Variants in RNF150 observed in about 807,000 individuals in gnomAD.
RNF150 encodes ring finger protein 150.
In RNF150, 24 loss-of-function variants were observed where a neutral mutation model predicts 39.3. The ratio of observed to expected loss-of-function variants is 0.61; its 90% CI spans 0.44 to 0.86. The LOEUF is 0.86. Among genes scored for constraint, RNF150 ranks in the 40% least tolerant of loss-of-function variants. The probability of loss-of-function intolerance (pLI) is 0.00; values close to 1 mark genes in which losing one functional copy is unlikely to be tolerated. For synonymous variants in RNF150, 255 were observed against 227.3 expected (o/e 1.12, Z -1.10); for missense variants, 502 against 587.8 (o/e 0.85, Z 1.51).
chr4:140,880,446 T>A (rs1345016530), intron 6 of RNF150, among the ~76,000 whole-genome samples: 2 of 152,130 alleles, frequency 1.3e-5, no homozygotes, highest in African/African-American at 4.8e-5. Flanking sequence ...TTGGTTATAT[T>A]GGTCTGTAAT....
At chr4:140,977,108 T>C (rs954973724) in intron 1 of RNF150, among the ~76,000 whole-genome samples, 1 of 152,136 alleles carries the variant, frequency 6.6e-6, no homozygotes, top group Middle Eastern at 3.2e-3. Flanking sequence ...TAATTCACAA[T>C]GGATTATTTG....
intron 1 of RNF150, among the ~76,000 whole-genome samples, chr4:141,013,203 C>G (rs1735139022): frequency 6.6e-6 from 1 of 152,068 alleles, no homozygotes; most frequent in African/African-American, 2.4e-5. Flanking sequence ...GATATATTGA[C>G]AGGTGAGATT....
At chr4:141,170,558 C>T (rs143429898) in intron 1 of RNF150, among the ~76,000 whole-genome samples, 1 of 152,204 alleles carries the variant, frequency 6.6e-6, no homozygotes, top group East Asian at 1.9e-4. Flanking sequence ...TTTTTTCTGT[C>T]TCTGCAAAGG....
chr4:140,931,438 A>G (rs962026581), intron 4 of RNF150, among the ~76,000 whole-genome samples: 2 of 152,218 alleles, frequency 1.3e-5, no homozygotes, highest in African/African-American at 4.8e-5. Flanking sequence ...GGGATTGGAA[A>G]GCAGTATTTT....
At chr4:140,961,128 G>T (rs1733005983) in intron 2 of RNF150, among the ~76,000 whole-genome samples, 1 of 152,104 alleles carries the variant, frequency 6.6e-6, no homozygotes, top group African/African-American at 2.4e-5. Flanking sequence ...TAGGAAACAT[G>T]GCACACCAGC....
At chr4:141,097,856 G>C (rs747262709) in intron 1 of RNF150, among the ~76,000 whole-genome samples, 1 of 151,718 alleles carries the variant, frequency 6.6e-6, no homozygotes, top group Non-Finnish European at 1.5e-5. Context: ...TATATGGCAC[G>C]CAAACATTTT....
At chr4:141,077,465 ATGG>A in intron 1 of RNF150, among the ~76,000 whole-genome samples, 1 of 152,354 alleles carries the variant, frequency 6.6e-6, no homozygotes, top group South Asian at 2.1e-4. Context: ...CTTGCTTGTG[ATGG>A]TGCTATGTAA....
intron 2 of RNF150, among the ~76,000 whole-genome samples, chr4:140,956,674 C>A (rs1732767986): frequency 6.6e-6 from 1 of 152,076 alleles, no homozygotes; most frequent in Admixed American, 6.6e-5. Context: ...GCTACAGTAA[C>A]CAAAACAGCA....
intron 1 of RNF150, among the ~76,000 whole-genome samples, chr4:141,157,357 C>T (rs1727432784): frequency 6.6e-6 from 1 of 152,106 alleles, no homozygotes; most frequent in Non-Finnish European, 1.5e-5. Flanking sequence ...TAATATATAA[C>T]CATGGCTAAA....
At chr4:140,896,663 T>C (rs1729953583) in intron 6 of RNF150, among the ~76,000 whole-genome samples, 1 of 96,386 alleles carries the variant, frequency 1.0e-5, no homozygotes, top group Non-Finnish European at 2.0e-5. Flanking sequence ...AATGTGCACA[T>C]GTACCCTAAA....
At chr4:140,883,588 TTAAATA>T (rs1276960519) in intron 6 of RNF150, among the ~76,000 whole-genome samples, 1 of 152,178 alleles carries the variant, frequency 6.6e-6, no homozygotes, top group Non-Finnish European at 1.5e-5. Context: ...TCTCAGTACT[TTAAATA>T]TATCATCTCA....
At chr4:141,022,310 T>TC in intron 1 of RNF150, among the ~76,000 whole-genome samples, 1 of 152,138 alleles carries the variant, frequency 6.6e-6, no homozygotes, top group Non-Finnish European at 1.5e-5. Flanking sequence ...ATGATTTTTA[T>TC]CCCCCCTCTA....
intron 1 of RNF150, among the ~76,000 whole-genome samples, chr4:141,138,802 A>G (rs1727069036): frequency 6.6e-6 from 1 of 152,208 alleles, no homozygotes; most frequent in African/African-American, 2.4e-5. Context: ...AAGATTCCAA[A>G]GGACATATAT....
chr4:141,082,291 C>A (rs1738179461), intron 1 of RNF150, among the ~76,000 whole-genome samples: 1 of 152,210 alleles, frequency 6.6e-6, no homozygotes, highest in African/African-American at 2.4e-5. Flanking sequence ...GTGATTCCTG[C>A]GTCACGGCTA....
intron 1 of RNF150, among the ~76,000 whole-genome samples, chr4:141,037,797 T>C (rs1736200503): frequency 6.6e-6 from 1 of 152,136 alleles, no homozygotes; most frequent in Admixed American, 6.6e-5. Context: ...AGATAATCAA[T>C]GGAAGATTAA....
intron 1 of RNF150, among the ~76,000 whole-genome samples, chr4:141,039,977 A>T (rs1165600818): frequency 6.6e-6 from 1 of 152,124 alleles, no homozygotes; most frequent in Non-Finnish European, 1.5e-5. Flanking sequence ...CTTTCCCCAC[A>T]TAGAGAAACC....
intron 1 of RNF150, among the ~76,000 whole-genome samples, chr4:141,103,026 C>T (rs1739069585): frequency 6.6e-6 from 1 of 152,158 alleles, no homozygotes; most frequent in Non-Finnish European, 1.5e-5. Context: ...ACACCAATCA[C>T]AAAATCTTTG....
intron 6 of RNF150, among the ~76,000 whole-genome samples, chr4:140,892,059 C>A (rs916197463): frequency 6.6e-6 from 1 of 152,172 alleles, no homozygotes; most frequent in East Asian, 1.9e-4. Context: ...TTTAAATCAT[C>A]TCTAGATTAC....
At chr4:141,033,962 A>G (rs1361531793) in intron 1 of RNF150, among the ~76,000 whole-genome samples, 1 of 152,222 alleles carries the variant, frequency 6.6e-6, no homozygotes, top group Admixed American at 6.5e-5. Flanking sequence ...CTAAATGAGC[A>G]CTGGCTTCAT....
Sources: gnomAD v4.1 joint callset for allele counts (sites outside exome capture counted in the v4.1 genomes callset) on GRCh38, gnomAD v4.1.1 for gene constraint, MANE v1.5 for transcripts, NCBI Gene and HGNC (gene_info 2026-07-23, HGNC 2026-07-21) for gene names.